KDM4C: variants seen among roughly 807,000 people sequenced by gnomAD.
KDM4C encodes the protein lysine demethylase 4C.
Under a neutral mutation model 129.3 loss-of-function variants are expected in KDM4C, and 81 were observed. That is an observed-to-expected ratio of 0.63 (90% confidence interval 0.52 to 0.75). KDM4C has a LOEUF of 0.75. Among genes scored for constraint, KDM4C ranks in the 30% least tolerant of loss-of-function variants. KDM4C has a pLI of 0.00. For synonymous variants in KDM4C, 573 were observed against 456.1 expected (o/e 1.26, Z -3.26); for missense variants, 1,457 against 1,304.0 (o/e 1.12, Z -1.81).
intron 1 of KDM4C, among the ~76,000 whole-genome samples, chr9:6,790,682 A>AAAAAAAAAAAG (rs71315564): frequency 8.8e-6 from 1 of 113,170 alleles, no homozygotes; most frequent in Non-Finnish European, 1.8e-5. Context: ...AAAAAAAAAA[A>AAAAAAAAAAAG]GAGGAAAACT....
At chr9:7,011,025 G>A (rs367643374) in intron 12 of KDM4C, among the ~76,000 whole-genome samples, 1 of 151,908 alleles carries the variant, frequency 6.6e-6, no homozygotes, top group African/African-American at 2.4e-5. Flanking sequence ...GCCTGGGCAC[G>A]AAGAGCAAAA....
intron 1 of KDM4C, among the ~76,000 whole-genome samples, chr9:6,725,782 T>C (rs1285357202): frequency 6.7e-6 from 1 of 150,178 alleles, no homozygotes; most frequent in Non-Finnish European, 1.5e-5. Flanking sequence ...CGATCTCGGC[T>C]CACTGCAACC....
At chr9:7,097,611 TA>T (rs1351749770) in intron 17 of KDM4C, among the ~76,000 whole-genome samples, 1 of 152,190 alleles carries the variant, frequency 6.6e-6, no homozygotes, top group Non-Finnish European at 1.5e-5. Context: ...ATCTGCTCAG[TA>T]GAATGGTTTG....
Position 6,908,278 on chromosome 9 carries a change from G to A in KDM4C, c.921+15046G>A, listed in dbSNP as rs145282861. On this transcript the variant is annotated intron_variant, in intron 8 of 21. Coordinates refer to ENST00000381309, the MANE Select transcript of KDM4C (RefSeq NM_015061.6). Reference sequence around the variant, plus strand: ...TGAAGTGCTGTCTTTTGTGAAATGAGGTTATAATTTTCTTCCAAATCTATT... The same window carrying A: ...TGAAGTGCTGTCTTTTGTGAAATGAAGTTATAATTTTCTTCCAAATCTATT... Among the ~76,000 whole-genome samples the A allele has an allele frequency of 3.6e-3, 547 of 152,262 alleles. 3 individuals carry two copies. The highest frequency in any genetic ancestry group is 0.013 in the African/African-American group (522 of 41,544).
intron 15 of KDM4C, among the ~76,000 whole-genome samples, chr9:7,022,835 G>A (rs555339531): frequency 3.2e-4 from 49 of 152,070 alleles, no homozygotes; most frequent in African/African-American, 1.2e-3. Context: ...TCTGTACCCA[G>A]TTTTTTGAGG....
At chr9:6,924,858 A>G in intron 8 of KDM4C, 1 of 984,216 alleles carries the variant, frequency 1.0e-6, no homozygotes. Context: ...TGTCCACTAT[A>G]TATTTTTTTC....
intron 4 of KDM4C, among the ~76,000 whole-genome samples, chr9:6,840,845 T>C (rs1162095921): frequency 6.6e-6 from 1 of 152,248 alleles, no homozygotes; most frequent in Non-Finnish European, 1.5e-5. Flanking sequence ...TGTGAGATGG[T>C]GGTGCATGCC....
intron 4 of KDM4C, among the ~76,000 whole-genome samples, chr9:6,845,518 G>A (rs562836017): frequency 2.0e-5 from 3 of 152,266 alleles, no homozygotes; most frequent in South Asian, 2.1e-4. Flanking sequence ...CCTGGCCTAC[G>A]AGTGCTTTTA....
chr9:6,914,336 G>C (rs1043393780), intron 8 of KDM4C, among the ~76,000 whole-genome samples: 1 of 152,188 alleles, frequency 6.6e-6, no homozygotes, highest in African/African-American at 2.4e-5. Context: ...TGGGATTACA[G>C]GCTGGGCTTA....
intron 8 of KDM4C, among the ~76,000 whole-genome samples, chr9:6,912,383 G>A (rs188908502): frequency 3.0e-4 from 45 of 152,316 alleles, no homozygotes; most frequent in East Asian, 7.7e-4. Context: ...TGGAGAAGAT[G>A]TACACACCAT....
intron 6 of KDM4C, among the ~76,000 whole-genome samples, chr9:6,881,606 C>G (rs1017955781): frequency 1.3e-5 from 2 of 152,168 alleles, no homozygotes; most frequent in Admixed American, 6.6e-5. Flanking sequence ...ACTAAAATTT[C>G]TGATATAAAC....
intron 4 of KDM4C, among the ~76,000 whole-genome samples, chr9:6,832,233 G>A (rs1415379213): frequency 6.7e-5 from 10 of 150,018 alleles, no homozygotes; most frequent in African/African-American, 2.4e-4. Context: ...CCAGCTACTC[G>A]GGAGGCTGAG....
At chr9:6,892,194 C>T (rs904452751) in intron 7 of KDM4C, among the ~76,000 whole-genome samples, 38 of 152,138 alleles carry the variant, frequency 2.5e-4, no homozygotes, top group Admixed American at 1.8e-3. Context: ...TATAAGGGGT[C>T]TATCCTATTG....
At chr9:6,822,290 C>G (rs1238759522) in intron 4 of KDM4C, among the ~76,000 whole-genome samples, 1 of 152,098 alleles carries the variant, frequency 6.6e-6, no homozygotes, top group African/African-American at 2.4e-5. Context: ...TTTACTGTTT[C>G]TTTGCAGAAA....
chr9:6,754,128 G>A (rs1364511236), upstream of KDM4C, among the ~76,000 whole-genome samples: 2 of 151,798 alleles, frequency 1.3e-5, no homozygotes, highest in Admixed American at 1.3e-4. Context: ...CGCCCGCCTC[G>A]GCCTCCCAAA....
chr9:6,915,672 T>G (rs1288081921), intron 8 of KDM4C, among the ~76,000 whole-genome samples: 1 of 152,236 alleles, frequency 6.6e-6, no homozygotes, highest in African/African-American at 2.4e-5. Context: ...TTTCCTCGAA[T>G]GCTACAACAA....
chr9:7,090,688 G>A (rs752500778), intron 17 of KDM4C, among the ~76,000 whole-genome samples: 3 of 152,152 alleles, frequency 2.0e-5, no homozygotes, highest in Admixed American at 6.5e-5. Context: ...AGTCAAAACC[G>A]TAACACTATT....
chr9:7,105,579 A>G, intron 18 of KDM4C: 1 of 419,910 alleles, frequency 2.4e-6, no homozygotes, highest in Non-Finnish European at 5.0e-6. Context: ...ATAGATGCAG[A>G]TAATGAGTGG....
At chr9:6,859,340 TG>T (rs1376821672) in intron 5 of KDM4C, among the ~76,000 whole-genome samples, 1 of 151,924 alleles carries the variant, frequency 6.6e-6, no homozygotes, top group African/African-American at 2.4e-5. Context: ...TTCGACGTAG[TG>T]GCCCACGCCT....
Sources: gnomAD v4.1 joint callset for allele counts (sites outside exome capture counted in the v4.1 genomes callset) on GRCh38, gnomAD v4.1.1 for gene constraint, MANE v1.5 for transcripts, NCBI Gene and HGNC (gene_info 2026-07-23, HGNC 2026-07-21) for gene names.